Variants in LSM7 observed in about 807,000 individuals in gnomAD.
LSM7 encodes LSM7 homolog, U6 small nuclear RNA and mRNA degradation associated, also known as U6 snRNA-associated Sm-like protein LSm7.
In LSM7, 13 loss-of-function variants were observed where a neutral mutation model predicts 14.1. The ratio of observed to expected loss-of-function variants is 0.92; its 90% CI spans 0.60 to 1.47. The LOEUF (loss-of-function observed/expected upper bound fraction) is 1.47. Ranked by LOEUF, LSM7 falls within the 40% of genes most tolerant of loss-of-function variation. The probability of loss-of-function intolerance (pLI) is 0.00; values close to 1 mark genes in which losing one functional copy is unlikely to be tolerated. For missense variants in LSM7, 108 were observed against 140.8 expected (o/e 0.77, Z 1.18); for synonymous variants, 70 against 57.1 (o/e 1.23, Z -1.02).
intron 3 of LSM7, among the ~76,000 whole-genome samples, chr19:2,323,082 C>G (rs1024499418): frequency 6.6e-6 from 1 of 152,154 alleles, no homozygotes; most frequent in Non-Finnish European, 1.5e-5. Flanking sequence ...CTCCTAAGTC[C>G]TGACATTCCC....
chr19:2,328,542 G>C lies in LSM7; in HGVS notation c.6+19C>G, dbSNP rs1190895084. Reference sequence around the variant, plus strand: ...CCGAGCTCCACGCCCCCCGGCTCCAGATTCCGCCGCGCGCTCACCGCCATC... The same window carrying C: ...CCGAGCTCCACGCCCCCCGGCTCCACATTCCGCCGCGCGCTCACCGCCATC... On this transcript the variant is annotated intron_variant, in intron 1 of 3. Coordinates refer to ENST00000252622, the MANE Select transcript of LSM7 (RefSeq NM_016199.3). The C allele has an allele frequency of 1.9e-6, 3 of 1,601,544 alleles. No homozygotes were observed. The highest frequency in any genetic ancestry group is 1.1e-5 in the South Asian group (1 of 89,852).
At chr19:2,325,729 C>T (rs537719152) in intron 2 of LSM7, among the ~76,000 whole-genome samples, 16 of 152,378 alleles carry the variant, frequency 1.1e-4, no homozygotes, top group Admixed American at 2.6e-4. Flanking sequence ...GTCAGAGTCT[C>T]GCTGGCCCAC....
chr19:2,321,743 T>C lies in LSM7; in HGVS notation c.249A>G (p.Leu83=), dbSNP rs1239594380. The change falls in exon 4 of 4, where the codon CTA becomes CTG. Residue 83 remains leucine, a synonymous_variant. Transcript: ENST00000252622. This position sits in a 1 kb window ranked among gnomAD's most constrained non-coding sequence, Gnocchi z 5.0. ...CCTCCATGCCGTCCTGCGGGCAGAT[T>C]AGCACCACGGACGTGCCCCGGCACA... The part of the protein sequence containing the change: ...LVVCRGTSVV[L]ICPQDGMEAI... The C allele has an allele frequency of 1.9e-6, 3 of 1,568,162 alleles. No individual in the cohort carries two copies. Among genetic ancestry groups the C allele is most frequent in the South Asian group, 2.4e-5 (2 of 84,630 alleles).
chr19:2,324,516 C>T (rs531850403), intron 2 of LSM7: 13 of 398,958 alleles, frequency 3.3e-5, no homozygotes, highest in African/African-American at 8.0e-5. Context: ...GAACTGCGGC[C>T]GGTCAGCTCT....
In LSM7 at chr19:2,321,805, T is replaced by A. The variant is rs1967938579; in HGVS notation, c.187A>T (p.Lys63Ter). The A allele has an allele frequency of 1.3e-6, 2 of 1,515,408 alleles. No individual in the cohort carries two copies. Among genetic ancestry groups the A allele is most frequent in the Non-Finnish European group, 1.8e-6 (2 of 1,127,494 alleles). 93.9% of individuals were successfully genotyped at this position (1,515,408 alleles called of 1,614,324 possible). A position where few individuals can be genotyped will look rare whatever the true frequency, so the allele number is the denominator to read the frequency against. The change falls in exon 4 of 4, where the codon AAG (lysine) becomes TAG (stop). Residue 63 changes from lysine to a stop codon, truncating the protein, a stop_gained. Transcript: ENST00000252622. LOFTEE classifies it high-confidence loss of function. This position sits in a 1 kb window ranked among gnomAD's most constrained non-coding sequence, Gnocchi z 5.0. ...AGCTGCCGGGTGTCCTCCGTGAGCT[T>A]GTACTGGTCGTCAGGGTCTGGGGAG... ...EYMRDPDDQY[K>*]LTEDTRQLGL...
In LSM7 at chr19:2,321,727, C is replaced by T. The variant is rs777420402; in HGVS notation, c.265G>A (p.Gly89Ser). The T allele has an allele frequency of 1.7e-5, 26 of 1,569,150 alleles. No homozygotes were observed. The highest frequency in any genetic ancestry group is 2.4e-5 in the East Asian group (1 of 42,210). The change falls in exon 4 of 4, where the codon GGC becomes AGC. Residue 89 changes from glycine (G) to serine (S), a missense_variant. Physicochemically the swap from Gly to Ser is moderately conservative, Grantham distance 56. Transcript: ENST00000252622. The surrounding 1 kb of genome is among the most constrained non-coding windows in gnomAD (Gnocchi z 5.0). The part of the protein sequence containing the change: ...TSVVLICPQD[G>S]MEAIPNPFIQ... ...AAGGGGTTGGGGATGGCCTCCATGC[C>T]GTCCTGCGGGCAGATTAGCACCACG...
chr19:2,328,226 C>T, intron 2 of LSM7, 161 bp downstream of exon 2: 1 of 631,248 alleles, frequency 1.6e-6, no homozygotes, highest in Non-Finnish European at 2.7e-6. Flanking sequence ...GCTGAGATCG[C>T]ACCACTGCAC....
At position 2,328,205 on chromosome 19, in the gene LSM7, G is replaced by A. The variant is rs1029135483; in HGVS notation, c.97+182C>T. Reference sequence around the variant, plus strand: ...GAATCACTTGAACCTGGGAGGCGGAGGTTGCAGTGAGCTGAGATCGCACCA... The same window carrying A: ...GAATCACTTGAACCTGGGAGGCGGAAGTTGCAGTGAGCTGAGATCGCACCA... On this transcript the variant is annotated intron_variant, in intron 2 of 3. Coordinates refer to ENST00000252622, the MANE Select transcript of LSM7 (RefSeq NM_016199.3). The A allele has an allele frequency of 4.3e-5, 25 of 575,268 alleles. 1 individual carries two copies. In the South Asian group the frequency reaches 5.2e-4, roughly 12 times the overall value. The allele number at this position is 575,268 out of a possible 1,614,324, so 35.6% of individuals were successfully genotyped here. A position where few individuals can be genotyped will look rare whatever the true frequency, so the allele number is the denominator to read the frequency against.
intron 3 of LSM7, among the ~76,000 whole-genome samples, chr19:2,322,422 T>C (rs1967948474): frequency 6.6e-6 from 1 of 151,856 alleles, no homozygotes. Flanking sequence ...GCACTTGGAG[T>C]CCCAGCTACT....
intron 2 of LSM7, 61 bp downstream of exon 2, chr19:2,328,326 C>T (rs1287994216): frequency 1.4e-6 from 2 of 1,416,378 alleles, no homozygotes; most frequent in Admixed American, 3.6e-5. Flanking sequence ...CTCATCATCT[C>T]TGTTGCTGGG....
At chr19:2,324,437 T>A in intron 2 of LSM7, 1 of 535,286 alleles carries the variant, frequency 1.9e-6, no homozygotes, top group East Asian at 3.0e-5. Flanking sequence ...GGCCACAGGG[T>A]GCCGGTCACA....
intron 3 of LSM7, among the ~76,000 whole-genome samples, chr19:2,323,047 G>A (rs1599178124): frequency 6.6e-6 from 1 of 152,068 alleles, no homozygotes; most frequent in East Asian, 1.9e-4. Context: ...CAGTATCAAT[G>A]GATCCAAGGG....
At chr19:2,328,261 C>A in intron 2 of LSM7, 126 bp downstream of exon 2, 1 of 829,306 alleles carries the variant, frequency 1.2e-6, no homozygotes, top group East Asian at 2.7e-5. Context: ...CAGAGCGAGA[C>A]TGCGTCTCAA....
chr19:2,323,752 T>G (rs747155983), intron 3 of LSM7, among the ~76,000 whole-genome samples: 7 of 152,136 alleles, frequency 4.6e-5, no homozygotes, highest in Non-Finnish European at 1.0e-4. Flanking sequence ...GTGCCTGGCC[T>G]CTCACGTCAC....
rs567615090 is a variant in LSM7, at chr19:2,326,380, C to T, written c.97+2007G>A. On this transcript the variant is annotated intron_variant, in intron 2 of 3. Transcript: ENST00000252622. ...TGTTTGAGATGGAGTCTTGCTCTGTCGCCCAGGCTGGAATGCAGTGGCGCG... is the reference window on the plus strand; with the variant it reads ...TGTTTGAGATGGAGTCTTGCTCTGTTGCCCAGGCTGGAATGCAGTGGCGCG... Among the ~76,000 whole-genome samples the T allele has an allele frequency of 1.3e-4, 19 of 150,884 alleles. No individual in the cohort carries two copies. The South Asian group carries it at 3.1e-3, about 25-fold the overall frequency.
chr19:2,321,543 G>GAAAACA lies in LSM7; in HGVS notation c.*131_*136dup. 8.8e-6 allele frequency: 9 copies of GAAAACA among 1,021,892 alleles called. No homozygotes were observed. Among genetic ancestry groups the GAAAACA allele is most frequent in the Non-Finnish European group, 1.2e-5 (9 of 768,184 alleles). 63.3% of individuals were successfully genotyped at this position (1,021,892 alleles called of 1,614,324 possible). A position where few individuals can be genotyped will look rare whatever the true frequency, so the allele number is the denominator to read the frequency against. ...ACATTGAGGTTTGCAATTTTATTAA[G>GAAAACA]AAAACAAAAATTCAACCTATACAAA... On this transcript the variant is annotated 3_prime_UTR_variant, in exon 4 of 4. Transcript: ENST00000252622. This position sits in a 1 kb window ranked among gnomAD's most constrained non-coding sequence, Gnocchi z 5.0.
chr19:2,325,398 C>A (rs981291087), intron 2 of LSM7, among the ~76,000 whole-genome samples: 1 of 131,328 alleles, frequency 7.6e-6, no homozygotes, highest in Non-Finnish European at 1.8e-5. Flanking sequence ...GCAGCCACCC[C>A]CTCCCTGCTC....
intron 3 of LSM7, among the ~76,000 whole-genome samples, chr19:2,323,645 T>A (rs1967970131): frequency 6.6e-6 from 1 of 151,910 alleles, no homozygotes; most frequent in East Asian, 1.9e-4. Flanking sequence ...GGAGACGGGG[T>A]TTCACCATGT....
intron 3 of LSM7, among the ~76,000 whole-genome samples, chr19:2,323,616 A>AT (rs904036801): frequency 2.0e-5 from 3 of 152,000 alleles, no homozygotes; most frequent in Admixed American, 1.3e-4. Flanking sequence ...ACACCCAGCA[A>AT]TTTTTTTGCA....
Sources: allele counts gnomAD v4.1 joint callset (sites outside exome capture counted in the v4.1 genomes callset), GRCh38; gene constraint gnomAD v4.1.1; non-coding constraint Gnocchi (gnomAD v3.1); transcripts MANE v1.5; gene names NCBI Gene and HGNC (gene_info 2026-07-23, HGNC 2026-07-21).